Variants in DPP10 observed in about 807,000 individuals in gnomAD.
DPP10 encodes the protein dipeptidyl peptidase like 10.
DPP10 carries 33 observed loss-of-function variants against 120.9 expected under a neutral mutation model. The observed-to-expected ratio is 0.27, with a 90% CI of 0.21 to 0.37. The LOEUF (loss-of-function observed/expected upper bound fraction) is 0.37. DPP10 is among the 10% of genes least tolerant of loss of function. The pLI, the probability that DPP10 is intolerant of heterozygous loss-of-function variation, is 1.00. For synonymous variants in DPP10, 337 were observed against 326.1 expected, an observed-to-expected ratio of 1.03 and a Z score of -0.36; for missense variants, 816 against 942.8, an observed-to-expected ratio of 0.87 and a Z score of 1.76.
intron 3 of DPP10, among the ~76,000 whole-genome samples, chr2:115,415,841 TTATATATATATATATATATA>T (rs70941057): frequency 2.7e-5 from 2 of 74,296 alleles, no homozygotes; most frequent in Admixed American, 1.5e-4. Flanking sequence ...TGATTTGCTT[TTATATATATATATATATATA>T]TATATATATA....
intron 1 of DPP10, among the ~76,000 whole-genome samples, chr2:115,011,045 T>G (rs1702227371): frequency 6.6e-6 from 1 of 152,226 alleles, no homozygotes; most frequent in Non-Finnish European, 1.5e-5. Flanking sequence ...TGATCCATGG[T>G]TATTTAGGCA....
At chr2:114,780,462 A>G (rs1481881167) in intron 1 of DPP10, among the ~76,000 whole-genome samples, 2 of 152,100 alleles carry the variant, frequency 1.3e-5, no homozygotes, top group Non-Finnish European at 2.9e-5. Context: ...CATTATTTTA[A>G]TTCTTTAGGG....
At chr2:115,576,487 C>T (rs2081664154) in intron 5 of DPP10, among the ~76,000 whole-genome samples, 1 of 152,142 alleles carries the variant, frequency 6.6e-6, no homozygotes, top group Non-Finnish European at 1.5e-5. Context: ...AAAATTGCTT[C>T]ATTTAAGAGA....
At chr2:115,155,116 C>T (rs72953497) in intron 1 of DPP10, among the ~76,000 whole-genome samples, 11,264 of 151,732 alleles carry the variant, frequency 0.074, 508 homozygotes, top group East Asian at 0.22. Context: ...GCCATTTGAC[C>T]GGCTTGGTCT....
chr2:114,767,001 T>C (rs1350538542), intron 1 of DPP10, among the ~76,000 whole-genome samples: 1 of 150,738 alleles, frequency 6.6e-6, no homozygotes, highest in Non-Finnish European at 1.5e-5. Context: ...TATTTAACAG[T>C]GTGCAAATGT....
intron 5 of DPP10, among the ~76,000 whole-genome samples, chr2:115,552,465 C>T (rs981063040): frequency 6.6e-6 from 1 of 152,026 alleles, no homozygotes; most frequent in African/African-American, 2.4e-5. Context: ...ATTATCAAAC[C>T]AATCAATATT....
chr2:115,182,434 G>T (rs1281435876), intron 1 of DPP10, among the ~76,000 whole-genome samples: 1 of 152,214 alleles, frequency 6.6e-6, no homozygotes, highest in Admixed American at 6.5e-5. Flanking sequence ...TTTCACAGAA[G>T]AAAGCTTTTT....
At chr2:115,336,147 CT>C (rs567862942) in intron 2 of DPP10, among the ~76,000 whole-genome samples, 4 of 151,070 alleles carry the variant, frequency 2.6e-5, no homozygotes, top group African/African-American at 4.9e-5. Flanking sequence ...GAAGAACTTT[CT>C]TTTTTTTTCA....
intron 3 of DPP10, among the ~76,000 whole-genome samples, chr2:115,370,683 T>A (rs900772260): frequency 6.6e-6 from 1 of 152,154 alleles, no homozygotes; most frequent in Non-Finnish European, 1.5e-5. Context: ...GTCTATTTCA[T>A]CTATTTCTGG....
intron 2 of DPP10, among the ~76,000 whole-genome samples, chr2:115,338,472 T>C (rs957527267): frequency 1.3e-5 from 2 of 152,042 alleles, no homozygotes; most frequent in African/African-American, 4.8e-5. Flanking sequence ...TTTTAGGGAT[T>C]AGGCCTCACT....
intron 1 of DPP10, among the ~76,000 whole-genome samples, chr2:114,484,776 T>C (rs1681355683): frequency 6.6e-6 from 1 of 152,162 alleles, no homozygotes; most frequent in Non-Finnish European, 1.5e-5. Context: ...TATACAATCA[T>C]ATAATACTTA....
intron 1 of DPP10, among the ~76,000 whole-genome samples, chr2:114,582,184 G>A (rs1424847207): frequency 6.6e-6 from 1 of 152,116 alleles, no homozygotes; most frequent in East Asian, 1.9e-4. Context: ...GCCTTTTCCA[G>A]AATGTCATAT....
At chr2:114,536,151 C>T (rs1347581130) in intron 1 of DPP10, among the ~76,000 whole-genome samples, 1 of 152,136 alleles carries the variant, frequency 6.6e-6, no homozygotes, top group Non-Finnish European at 1.5e-5. Flanking sequence ...TTTGCCTGAG[C>T]TTCCATGCCC....
chr2:115,022,303 A>C (rs1224398030), intron 1 of DPP10, among the ~76,000 whole-genome samples: 3 of 152,106 alleles, frequency 2.0e-5, no homozygotes, highest in African/African-American at 7.2e-5. Flanking sequence ...AGGGTAAATA[A>C]ATTCAGCAAA....
intron 1 of DPP10, among the ~76,000 whole-genome samples, chr2:114,902,280 C>A (rs1418037418): frequency 6.6e-6 from 1 of 152,122 alleles, no homozygotes; most frequent in Non-Finnish European, 1.5e-5. Flanking sequence ...TATCAAATTT[C>A]ATTTTTTTCA....
intron 13 of DPP10, among the ~76,000 whole-genome samples, chr2:115,768,790 T>C (rs1460462090): frequency 6.6e-6 from 1 of 152,068 alleles, no homozygotes; most frequent in Non-Finnish European, 1.5e-5. Context: ...AAGTTTTAAA[T>C]ACTCAAAGGA....
At chr2:114,742,924 G>C (rs1244561553) in intron 1 of DPP10, among the ~76,000 whole-genome samples, 1 of 152,218 alleles carries the variant, frequency 6.6e-6, no homozygotes, top group Non-Finnish European at 1.5e-5. Flanking sequence ...TTGCCATATC[G>C]TGTGGACAAT....
At chr2:115,202,668 A>G (rs927711766) in intron 1 of DPP10, among the ~76,000 whole-genome samples, 2 of 152,234 alleles carry the variant, frequency 1.3e-5, no homozygotes, top group South Asian at 2.1e-4. Flanking sequence ...ATTCTAGAGC[A>G]GCACTGTCCA....
At chr2:114,479,906 C>T (rs1206645846) in intron 1 of DPP10, among the ~76,000 whole-genome samples, 1 of 152,050 alleles carries the variant, frequency 6.6e-6, no homozygotes, top group African/African-American at 2.4e-5. Context: ...GCAAAAGAAA[C>T]CACCATCAGA....
Sources: gnomAD v4.1 joint callset for allele counts (sites outside exome capture counted in the v4.1 genomes callset) on GRCh38, gnomAD v4.1.1 for gene constraint, MANE v1.5 for transcripts, NCBI Gene and HGNC (gene_info 2026-07-23, HGNC 2026-07-21) for gene names.